The following RASD2 variants were observed in gnomAD, a reference collection of about 807,000 sequenced individuals.
RASD2 encodes RASD family member 2, also known as GTP-binding protein Rhes.
Under a neutral mutation model 15.8 loss-of-function variants are expected in RASD2, and 7 were observed. The observed-to-expected ratio is 0.44, with a 90% CI of 0.25 to 0.83. The LOEUF (loss-of-function observed/expected upper bound fraction) is 0.83, where lower values mean the gene tolerates loss of function less well. RASD2 is among the 40% of genes least tolerant of loss of function. The probability of loss-of-function intolerance (pLI) is 0.20; values close to 1 mark genes in which losing one functional copy is unlikely to be tolerated. For synonymous variants in RASD2, 155 were observed against 153.6 expected (o/e 1.01, Z -0.07); for missense variants, 274 against 382.8 (o/e 0.72, Z 2.37).
Position 35,552,061 on chromosome 22 carries a change from A to C in RASD2, c.*29A>C, listed in dbSNP as rs771339319. The C allele has an allele frequency of 6.3e-7, 1 of 1,577,074 alleles. No individual in the cohort carries two copies. The highest frequency in any genetic ancestry group is 8.6e-7 in the Non-Finnish European group (1 of 1,165,416). On this transcript the variant is annotated 3_prime_UTR_variant, in exon 3 of 3. Transcript: ENST00000216127. ...AGGGATGCTGGGGCGGGGCTTGGCC[A>C]GTGCCTTCAGGGAGGTGGCCCCAGA... is the stretch of plus-strand genomic sequence containing the variant.
chr22:35,538,537 T>C (rs1316474753), upstream of RASD2, among the ~76,000 whole-genome samples: 2 of 152,162 alleles, frequency 1.3e-5, no homozygotes, highest in Non-Finnish European at 2.9e-5. Flanking sequence ...TGATCCCTTA[T>C]GTGTATTTGC....
upstream of RASD2, among the ~76,000 whole-genome samples, chr22:35,540,357 G>C (rs1934310004): frequency 6.7e-6 from 1 of 150,254 alleles, no homozygotes; most frequent in Non-Finnish European, 1.5e-5. Context: ...CCGGACACGC[G>C]GAACCGCAGA....
intron 2 of RASD2, among the ~76,000 whole-genome samples, chr22:35,550,440 C>CAAAAAA (rs397838574): frequency 1.6e-5 from 1 of 64,254 alleles, no homozygotes; most frequent in South Asian, 7.4e-4. Context: ...GACTCCATCT[C>CAAAAAA]AAAAAAAAAA....
chr22:35,548,412 G>C (rs1425000627), intron 2 of RASD2, among the ~76,000 whole-genome samples: 2 of 152,234 alleles, frequency 1.3e-5, no homozygotes, highest in Non-Finnish European at 2.9e-5. Context: ...CAAGTCTTCT[G>C]TTGAGTCAGC....
chr22:35,538,318 G>A (rs1934274072), upstream of RASD2, among the ~76,000 whole-genome samples: 1 of 152,068 alleles, frequency 6.6e-6, no homozygotes, highest in African/African-American at 2.4e-5. Flanking sequence ...AAACTCTTGA[G>A]CAGGAGGTGG....
intron 1 of RASD2, among the ~76,000 whole-genome samples, chr22:35,545,203 G>A (rs111307637): frequency 6.6e-6 from 1 of 152,186 alleles, no homozygotes; most frequent in East Asian, 1.9e-4. Context: ...GTTGGGCAGG[G>A]TGAGCAGATC....
rs1487841088 is a variant in RASD2 at position 35,552,693 on chromosome 22, G to T, written c.*661G>T. 1 of 153,282 alleles carries T rather than the reference G, an allele frequency of 6.5e-6. No individual in the cohort carries two copies. Among genetic ancestry groups the T allele is most frequent in the Non-Finnish European group, 1.5e-5 (1 of 68,610 alleles). The allele number at this position is 153,282 out of a possible 1,614,324, so 9.5% of individuals were successfully genotyped here. A position where few individuals can be genotyped will look rare whatever the true frequency, so the allele number is the denominator to read the frequency against. On this transcript the variant is annotated 3_prime_UTR_variant, in exon 3 of 3. Transcript: ENST00000216127. ...CCGCGTTCCTCAGCCTCCTCTCCTA[G>T]GTCCCTCCGCCCGACAGTTGTGCTT...
At chr22:35,550,132 GGGCA>G (rs1199479825) in intron 2 of RASD2, among the ~76,000 whole-genome samples, 2 of 152,086 alleles carry the variant, frequency 1.3e-5, no homozygotes, top group African/African-American at 4.8e-5. Flanking sequence ...GTGTGGTGAT[GGGCA>G]CCTGTAATCC....
At chr22:35,542,332 C>T (rs565373726) in intron 1 of RASD2, among the ~76,000 whole-genome samples, 9 of 152,364 alleles carry the variant, frequency 5.9e-5, no homozygotes, top group African/African-American at 2.2e-4. Flanking sequence ...GAAAAGAACC[C>T]AGCATGTGTT....
At chr22:35,549,923 T>C (rs1022718762) in intron 2 of RASD2, among the ~76,000 whole-genome samples, 1 of 152,158 alleles carries the variant, frequency 6.6e-6, no homozygotes, top group Non-Finnish European at 1.5e-5. Context: ...AGTTTCCTCA[T>C]CTGTGAGACA....
intron 2 of RASD2, among the ~76,000 whole-genome samples, chr22:35,550,440 C>CAAAA (rs397838574): frequency 7.8e-5 from 5 of 64,258 alleles, no homozygotes; most frequent in East Asian, 4.6e-4. Flanking sequence ...GACTCCATCT[C>CAAAA]AAAAAAAAAA....
Position 35,551,354 on chromosome 22 carries a change from G to A in RASD2, c.272-149G>A. The A allele has an allele frequency of 1.3e-6, 1 of 750,378 alleles. No individual in the cohort carries two copies. Among genetic ancestry groups the A allele is most frequent in the Non-Finnish European group, 2.2e-6 (1 of 446,768 alleles). The allele number at this position is 750,378 out of a possible 1,614,324, so 46.5% of individuals were successfully genotyped here. A position where few individuals can be genotyped will look rare whatever the true frequency, so the allele number is the denominator to read the frequency against. On this transcript the variant is annotated intron_variant, in intron 2 of 2. Transcript: ENST00000216127. This position sits in a 1 kb window ranked among gnomAD's most constrained non-coding sequence, Gnocchi z 4.9. ...GGAGAATAATCGCAGCTACCCCGAA[G>A]AGTCGCTGTGTAGGTTAAAGCAGTT...
At chr22:35,539,861 C>T (rs73419190), upstream of RASD2, among the ~76,000 whole-genome samples, 1 of 152,192 alleles carries the variant, frequency 6.6e-6, no homozygotes, top group Non-Finnish European at 1.5e-5. Context: ...TGGCCTAGGT[C>T]AAGCCCCTCA....
At chr22:35,538,071 G>A (rs1400357191), upstream of RASD2, among the ~76,000 whole-genome samples, 5 of 151,606 alleles carry the variant, frequency 3.3e-5, no homozygotes, top group African/African-American at 7.3e-5. Context: ...CCAGCCTCCC[G>A]AGTAGCTGGA....
At position 35,552,073 on chromosome 22, in the gene RASD2, G is replaced by T. The variant is rs41279995; in HGVS notation, c.*41G>T. 1 of 1,564,214 alleles carries T rather than the reference G, an allele frequency of 6.4e-7. No individual in the cohort carries two copies. Among genetic ancestry groups the T allele is most frequent in the South Asian group, 1.2e-5 (1 of 86,706 alleles). ...GCGGGGCTTGGCCAGTGCCTTCAGGGAGGTGGCCCCAGATGCCCACTGTGC... is the reference window on the plus strand; with the variant it reads ...GCGGGGCTTGGCCAGTGCCTTCAGGTAGGTGGCCCCAGATGCCCACTGTGC... On this transcript the variant is annotated 3_prime_UTR_variant, in exon 3 of 3. Transcript: ENST00000216127.
At chr22:35,546,766 G>C (rs112125613) in intron 1 of RASD2, 35 bp from the exon 2 acceptor site, 4 of 1,598,086 alleles carry the variant, frequency 2.5e-6, no homozygotes, top group Non-Finnish European at 3.4e-6. Flanking sequence ...CAGGTCGGGG[G>C]GGCCCTGATG....
At chr22:35,540,440 G>T (rs1238578182), upstream of RASD2, among the ~76,000 whole-genome samples, 3 of 148,898 alleles carry the variant, frequency 2.0e-5, no homozygotes, top group Non-Finnish European at 4.5e-5. Flanking sequence ...TTGGCCGGGC[G>T]CCGGGGCGAG....
At chr22:35,534,397 C>T in the RASD2 span, among the ~76,000 whole-genome samples, 1 of 152,344 alleles carries the variant, frequency 6.6e-6, no homozygotes, top group South Asian at 2.1e-4. Context: ...TGTTGTCAGC[C>T]TCAGTTTTCT....
chr22:35,537,468 G>A (rs748444314), upstream of RASD2, among the ~76,000 whole-genome samples: 19 of 152,218 alleles, frequency 1.2e-4, no homozygotes, highest in Non-Finnish European at 2.6e-4. Context: ...CACCGGCTAC[G>A]GAGGAAGTAA....
Sources: allele counts gnomAD v4.1 joint callset (sites outside exome capture counted in the v4.1 genomes callset), GRCh38; gene constraint gnomAD v4.1.1; non-coding constraint Gnocchi (gnomAD v3.1); transcripts MANE v1.5; gene names NCBI Gene and HGNC (gene_info 2026-07-23, HGNC 2026-07-21).